The following C5AR1 variants were observed in gnomAD, a reference collection of about 807,000 sequenced individuals.
C5AR1 encodes the protein complement C5a receptor 1.
C5AR1 carries 4 observed loss-of-function variants against 2.4 expected under a neutral mutation model. The ratio of observed to expected loss-of-function variants is 1.65; its 90% CI spans 0.81 to 3.77. The LOEUF is 3.77. C5AR1 is among the 30% of genes most tolerant of loss of function. The pLI is 0.01. For missense variants in C5AR1, 418 were observed against 462.5 expected, an observed-to-expected ratio of 0.90 and a Z score of 0.88; for synonymous variants, 209 against 210.4, an observed-to-expected ratio of 0.99 and a Z score of 0.06.
chr19:47,319,662 C>G (rs1568661698), intron 1 of C5AR1, 119 bp from the exon 2 acceptor site: 5 of 680,640 alleles, frequency 7.3e-6, no homozygotes, highest in Non-Finnish European at 1.0e-5. Flanking sequence ...CCTCAGCATC[C>G]CCATTTCCTA....
At chr19:47,311,416 C>T (rs956629041) in intron 1 of C5AR1, among the ~76,000 whole-genome samples, 2 of 151,580 alleles carry the variant, frequency 1.3e-5, no homozygotes, top group African/African-American at 4.8e-5. Context: ...GGCTGAGGCA[C>T]GACAATCGCT....
At position 47,320,678 on chromosome 19, in the gene C5AR1, G is replaced by A. The variant is rs201592709; in HGVS notation, c.901G>A (p.Val301Met). The stretch of plus-strand genomic sequence containing the variant: ...CTGCTGCATCAACCCCATCATCTAC[G>A]TGGTGGCCGGCCAGGGCTTCCAGGG... ...INCCINPIIY[V>M]VAGQGFQGRL... The change falls in exon 2 of 2, where the codon GTG becomes ATG. Residue 301 changes from valine to methionine, a missense_variant. Val to Met is a conservative substitution (Grantham distance 21). Coordinates refer to ENST00000355085, the MANE Select transcript of C5AR1 (RefSeq NM_001736.4). The surrounding 1 kb of genome is among the most constrained non-coding windows in gnomAD (Gnocchi z 4.9). 86 of 1,614,116 alleles carry A rather than the reference G, an allele frequency of 5.3e-5. No individual in the cohort carries two copies. In the South Asian group the frequency reaches 7.9e-4, roughly 15 times the overall value.
upstream of C5AR1, among the ~76,000 whole-genome samples, chr19:47,308,103 C>T (rs1008066963): frequency 2.0e-5 from 3 of 151,554 alleles, no homozygotes; most frequent in African/African-American, 4.8e-5. Context: ...GTCCCAGCTA[C>T]TCGGGAGGCT....
chr19:47,318,659 G>A (rs1305069237), intron 1 of C5AR1, among the ~76,000 whole-genome samples: 1 of 151,998 alleles, frequency 6.6e-6, no homozygotes, highest in African/African-American at 2.4e-5. Flanking sequence ...CAAATTCCAT[G>A]CCGCATGCAT....
chr19:47,309,940 G>C, intron 1 of C5AR1, 42 bp downstream of exon 1: 1 of 1,605,380 alleles, frequency 6.2e-7, no homozygotes, highest in Non-Finnish European at 8.5e-7. Flanking sequence ...CTTTGTCCTG[G>C]GTCCCTCCCA....
chr19:47,320,710 G>A lies in C5AR1; in HGVS notation c.933G>A (p.Leu311=), dbSNP rs772102376. ...VVAGQGFQGR[L]RKSLPSLLRN... ...CCGGCCAGGGCTTCCAGGGCCGACT[G>A]CGGAAATCCCTCCCCAGCCTCCTCC... Residue 311 remains leucine (L), a synonymous_variant, in exon 2 of 2, where the codon CTG becomes CTA. Transcript: ENST00000355085. This position sits in a 1 kb window ranked among gnomAD's most constrained non-coding sequence, Gnocchi z 4.9. The A allele has an allele frequency of 9.9e-6, 16 of 1,614,118 alleles. No homozygotes were observed. The highest frequency in any genetic ancestry group is 1.4e-5 in the Non-Finnish European group (16 of 1,180,036).
intron 1 of C5AR1, among the ~76,000 whole-genome samples, chr19:47,310,133 C>G (rs1303768138): frequency 6.6e-6 from 1 of 152,178 alleles, no homozygotes; most frequent in East Asian, 1.9e-4. Flanking sequence ...GTGGGAGCAA[C>G]AGCAACCTCG....
Position 47,319,777 on chromosome 19 carries a change from T to G in C5AR1, c.4-4T>G. 1 of 1,587,644 alleles carries G rather than the reference T, an allele frequency of 6.3e-7. No individual in the cohort carries two copies. The highest frequency in any genetic ancestry group is 8.6e-7 in the Non-Finnish European group (1 of 1,157,370). ...TCCTCTCTGCTCTCTCCGATTCCCC[T>G]TAGGACTCCTTCAATTATACCACCC... On this transcript the variant is annotated splice_region_variant and splice_polypyrimidine_tract_variant and intron_variant, in intron 1 of 1. Coordinates refer to ENST00000355085, the MANE Select transcript of C5AR1 (RefSeq NM_001736.4).
intron 1 of C5AR1, 71 bp downstream of exon 1, chr19:47,309,969 C>T: frequency 6.6e-7 from 1 of 1,507,634 alleles, no homozygotes; most frequent in Non-Finnish European, 9.2e-7. Context: ...CCAGTGGGTC[C>T]TTCTCTCTCC....
At chr19:47,311,338 C>T (rs976571545) in intron 1 of C5AR1, among the ~76,000 whole-genome samples, 1 of 151,838 alleles carries the variant, frequency 6.6e-6, no homozygotes, top group African/African-American at 2.4e-5. Context: ...GGTGAAACTC[C>T]GTCTCTACCA....
intron 1 of C5AR1, chr19:47,316,727 C>G (rs2059290168): frequency 1.3e-5 from 2 of 152,126 alleles, no homozygotes; most frequent in Non-Finnish European, 2.9e-5. Context: ...AATATTCCAC[C>G]ACGTGGCTAA....
upstream of C5AR1, among the ~76,000 whole-genome samples, chr19:47,308,135 C>G (rs921774118): frequency 2.7e-5 from 4 of 150,162 alleles, no homozygotes; most frequent in African/African-American, 4.9e-5. Context: ...ATCGCTTGAA[C>G]CTGGGAGGCG....
chr19:47,307,691 C>G (rs1208173107), upstream of C5AR1: 1 of 152,152 alleles, frequency 6.6e-6, no homozygotes, highest in Non-Finnish European at 1.5e-5. Context: ...ACAGCAGCCT[C>G]GGGAAGGTAA....
At chr19:47,315,724 A>G (rs1208247721) in intron 1 of C5AR1, among the ~76,000 whole-genome samples, 2 of 152,112 alleles carry the variant, frequency 1.3e-5, no homozygotes, top group Non-Finnish European at 1.5e-5. Context: ...GTCCCAGAGT[A>G]GGAAACAGGA....
chr19:47,309,124 C>A (rs779705474), upstream of C5AR1, among the ~76,000 whole-genome samples: 1 of 152,228 alleles, frequency 6.6e-6, no homozygotes, highest in East Asian at 1.9e-4. Context: ...GGGCTACCTC[C>A]GCAGACTAGC....
rs2059308109 is a variant in C5AR1 at position 47,320,828 on chromosome 19, T to C, written c.1051T>C (p.Ter351GlnextTer36). The C allele has an allele frequency of 6.2e-7, 1 of 1,604,546 alleles. No individual in the cohort carries two copies. Among genetic ancestry groups the C allele is most frequent in the Non-Finnish European group, 8.5e-7 (1 of 1,172,878 alleles). Residue 351 changes from the stop codon to glutamine, a stop_lost, in exon 2 of 2, where the codon TAG (stop) becomes CAG (glutamine). Coordinates refer to ENST00000355085, the MANE Select transcript of C5AR1 (RefSeq NM_001736.4). The surrounding 1 kb of genome is among the most constrained non-coding windows in gnomAD (Gnocchi z 4.9). The stretch of plus-strand genomic sequence containing the variant: ...TATGGCCCAGAAGACCCAGGCAGTG[T>C]AGGCGACAGCCTCATGGGCCACTGT... ...DTMAQKTQAV* is the reference protein window; with the variant it reads ...DTMAQKTQAVQ
At chr19:47,311,197 GTACCAAATGA>G (rs1225530982) in intron 1 of C5AR1, among the ~76,000 whole-genome samples, 2 of 151,260 alleles carry the variant, frequency 1.3e-5, no homozygotes, top group Non-Finnish European at 2.9e-5. Context: ...ATTTTCCAAA[GTACCAAATGA>G]TACTTGGTAA....
intron 1 of C5AR1, among the ~76,000 whole-genome samples, chr19:47,310,277 A>G (rs997717785): frequency 1.3e-5 from 2 of 152,062 alleles, no homozygotes; most frequent in Non-Finnish European, 2.9e-5. Flanking sequence ...GGATTGTGCC[A>G]AGGCGGGAGG....
In C5AR1 at chr19:47,309,902, A is replaced by G; in HGVS notation, c.3+4A>G. 4 of 1,612,538 alleles carry G rather than the reference A, an allele frequency of 2.5e-6. No individual in the cohort carries two copies. Among genetic ancestry groups the G allele is most frequent in the Non-Finnish European group, 3.4e-6 (4 of 1,179,230 alleles). On this transcript the variant is annotated splice_donor_region_variant and intron_variant, in intron 1 of 1. Coordinates refer to ENST00000355085, the MANE Select transcript of C5AR1 (RefSeq NM_001736.4). ...GAGCCCAGGAGACCAGAACATGGTGAGTCTCGAAGGGGAATGGGAGCAGGA... is the reference window on the plus strand; with the variant it reads ...GAGCCCAGGAGACCAGAACATGGTGGGTCTCGAAGGGGAATGGGAGCAGGA...
Sources: gnomAD v4.1 joint callset for allele counts (sites outside exome capture counted in the v4.1 genomes callset) on GRCh38, gnomAD v4.1.1 for gene constraint, Gnocchi (gnomAD v3.1) non-coding constraint, MANE v1.5 for transcripts, NCBI Gene and HGNC (gene_info 2026-07-23, HGNC 2026-07-21) for gene names.